The following GREM2 variants were observed in gnomAD, a reference collection of about 807,000 sequenced individuals.
GREM2 encodes the protein gremlin-2.
In GREM2, 11 loss-of-function variants were observed where a neutral mutation model predicts 14.2. The observed-to-expected ratio is 0.78, with a 90% CI of 0.49 to 1.28. GREM2 has a LOEUF of 1.28. Among genes scored for constraint, GREM2 ranks in the 50% most tolerant of loss-of-function variants. The pLI, the probability that GREM2 is intolerant of heterozygous loss-of-function variation, is 0.00. For synonymous variants in GREM2, 98 were observed against 97.6 expected, an observed-to-expected ratio of 1.00 and a Z score of -0.02; for missense variants, 210 against 218.5, an observed-to-expected ratio of 0.96 and a Z score of 0.24.
intron 1 of GREM2, among the ~76,000 whole-genome samples, chr1:240,557,590 TG>T (rs1461768091): frequency 6.6e-6 from 1 of 152,238 alleles, no homozygotes; most frequent in Non-Finnish European, 1.5e-5. Flanking sequence ...TCTATTTTTT[TG>T]TTTATTCATT....
At chr1:240,530,269 C>A (rs998369803) in intron 1 of GREM2, among the ~76,000 whole-genome samples, 3 of 152,128 alleles carry the variant, frequency 2.0e-5, no homozygotes, top group Admixed American at 2.0e-4. Flanking sequence ...TTATAATGTG[C>A]AGATTTCCTG....
chr1:240,499,312 G>T (rs1185426373), intron 1 of GREM2, among the ~76,000 whole-genome samples: 1 of 152,166 alleles, frequency 6.6e-6, no homozygotes, highest in Non-Finnish European at 1.5e-5. Context: ...GTTAGCCCTG[G>T]GCTGTGCAGG....
chr1:240,600,287 G>A (rs1055984034), intron 1 of GREM2, among the ~76,000 whole-genome samples: 2 of 152,088 alleles, frequency 1.3e-5, no homozygotes, highest in African/African-American at 2.4e-5. Context: ...CATCCAACAT[G>A]TATCATGGAG....
chr1:240,544,058 G>A (rs778921510), intron 1 of GREM2, among the ~76,000 whole-genome samples: 1 of 151,826 alleles, frequency 6.6e-6, no homozygotes, highest in Non-Finnish European at 1.5e-5. Context: ...CGAATGAAGT[G>A]ATGTATAGAC....
intron 1 of GREM2, among the ~76,000 whole-genome samples, chr1:240,502,118 C>A (rs749470378): frequency 1.3e-5 from 2 of 152,132 alleles, no homozygotes; most frequent in Non-Finnish European, 2.9e-5. Flanking sequence ...CAGACGTCCA[C>A]TTCCCTCGGA....
chr1:240,600,911 A>T (rs1328106260), intron 1 of GREM2, among the ~76,000 whole-genome samples: 4 of 152,214 alleles, frequency 2.6e-5, no homozygotes, highest in Non-Finnish European at 5.9e-5. Context: ...GAATGAATCA[A>T]TGGTTTTGTT....
rs181039859 is a variant in GREM2, at chr1:240,542,964, T to C, written c.-1-49488A>G. ...AGTTCTGTAAGATCCCACCAAAAAA[T>C]ATCACCTTCTTTGTGAAGCCTCTTA... On this transcript the variant is annotated intron_variant, in intron 1 of 1. Transcript: ENST00000318160. The surrounding 1 kb of genome is among the most constrained non-coding windows in gnomAD (Gnocchi z 4.1). 6.6e-6 allele frequency among the ~76,000 whole-genome samples: 1 copy of C among 152,302 alleles called. No homozygotes were observed. Among genetic ancestry groups the C allele is most frequent in the East Asian group, 1.9e-4 (1 of 5,180 alleles).
At chr1:240,575,491 T>G (rs1357970124) in intron 1 of GREM2, among the ~76,000 whole-genome samples, 1 of 151,950 alleles carries the variant, frequency 6.6e-6, no homozygotes, top group African/African-American at 2.4e-5. Context: ...CAAATACCAC[T>G]GTAGCAAGAT....
Position 240,513,378 on chromosome 1 carries a change from C to A in GREM2, c.-1-19902G>T, listed in dbSNP as rs547502963. Among the ~76,000 whole-genome samples the A allele has an allele frequency of 1.5e-3, 228 of 152,108 alleles. 2 individuals are homozygous for A. Among genetic ancestry groups the A allele is most frequent in the Non-Finnish European group, 2.6e-3 (179 of 67,994 alleles). On this transcript the variant is annotated intron_variant, in intron 1 of 1. Transcript: ENST00000318160. ...GATCGCGAGGTCAAGAGATCGAGATCAACCTGGCCAACAAGGTGAAACCCC... is the reference window on the plus strand; with the variant it reads ...GATCGCGAGGTCAAGAGATCGAGATAAACCTGGCCAACAAGGTGAAACCCC...
intron 1 of GREM2, among the ~76,000 whole-genome samples, chr1:240,570,355 G>A (rs907683471): frequency 6.6e-6 from 1 of 152,054 alleles, no homozygotes; most frequent in African/African-American, 2.4e-5. Flanking sequence ...CCAGCTACTC[G>A]GGGGGCTGAG....
rs575238157 is a variant in GREM2 at position 240,591,528 on chromosome 1, C to T, written c.-2+20356G>A. Reference sequence around the variant, plus strand: ...CCTTCCTCACTCATGTTAGTCGACGCTCACGTTTTGGCGGAATTTCCTCTT... The same window carrying T: ...CCTTCCTCACTCATGTTAGTCGACGTTCACGTTTTGGCGGAATTTCCTCTT... On this transcript the variant is annotated intron_variant, in intron 1 of 1. Coordinates refer to ENST00000318160, the MANE Select transcript of GREM2 (RefSeq NM_022469.4). 7.9e-5 allele frequency among the ~76,000 whole-genome samples: 12 copies of T among 152,302 alleles called. No homozygotes were observed. In the East Asian group the frequency reaches 2.3e-3, roughly 29 times the overall value.
chr1:240,583,221 C>T (rs1679524991), intron 1 of GREM2, among the ~76,000 whole-genome samples: 1 of 152,010 alleles, frequency 6.6e-6, no homozygotes, highest in African/African-American at 2.4e-5. Context: ...GAAAATGTTG[C>T]TTATGTGGCA....
intron 1 of GREM2, among the ~76,000 whole-genome samples, chr1:240,570,421 C>CA (rs1679238215): frequency 6.6e-6 from 1 of 152,112 alleles, no homozygotes; most frequent in South Asian, 2.1e-4. Flanking sequence ...AAGATCGCAC[C>CA]ACTGCACTCC....
At chr1:240,529,548 T>C (rs192176491) in intron 1 of GREM2, among the ~76,000 whole-genome samples, 13 of 152,252 alleles carry the variant, frequency 8.5e-5, no homozygotes, top group Non-Finnish European at 8.8e-5. Flanking sequence ...GTATCTGTTA[T>C]ACAATATGAC....
chr1:240,556,218 T>C (rs1678950681), intron 1 of GREM2, among the ~76,000 whole-genome samples: 2 of 152,196 alleles, frequency 1.3e-5, no homozygotes, highest in Non-Finnish European at 2.9e-5. Context: ...CTAAGGTAAT[T>C]GAGCAAATGT....
intron 1 of GREM2, among the ~76,000 whole-genome samples, chr1:240,581,950 A>G (rs1031092054): frequency 5.9e-5 from 9 of 152,246 alleles, no homozygotes; most frequent in Non-Finnish European, 1.0e-4. Flanking sequence ...CAATTCTGTA[A>G]TACAGTGGTT....
chr1:240,555,145 C>CA (rs1678929930), intron 1 of GREM2, among the ~76,000 whole-genome samples: 1 of 126,442 alleles, frequency 7.9e-6, no homozygotes, highest in Non-Finnish European at 1.6e-5. Context: ...AACTCCATCT[C>CA]AAAAAAAAGA....
At position 240,492,111 on chromosome 1, in the gene GREM2, A is replaced by T; in HGVS notation, c.*858T>A. 3.6e-6 allele frequency: 1 copy of T among 279,790 alleles called. No individual in the cohort carries two copies. The allele number at this position is 279,790 out of a possible 1,614,324, so 17.3% of individuals were successfully genotyped here. A position where few individuals can be genotyped will look rare whatever the true frequency, so the allele number is the denominator to read the frequency against. ...AAAACATGTGAAATAATACATGAAT[A>T]GGTCTATAATACTTTTTAACAGCTC... On this transcript the variant is annotated 3_prime_UTR_variant, in exon 2 of 2. Coordinates refer to ENST00000318160, the MANE Select transcript of GREM2 (RefSeq NM_022469.4).
intron 1 of GREM2, among the ~76,000 whole-genome samples, chr1:240,496,647 C>A (rs1309896771): frequency 1.3e-5 from 2 of 152,148 alleles, no homozygotes; most frequent in Non-Finnish European, 2.9e-5. Flanking sequence ...AGAGAGAAGA[C>A]CTGCCTGTTT....
Sources: gnomAD v4.1 joint callset for allele counts (sites outside exome capture counted in the v4.1 genomes callset) on GRCh38, gnomAD v4.1.1 for gene constraint, Gnocchi (gnomAD v3.1) non-coding constraint, MANE v1.5 for transcripts, NCBI Gene and HGNC (gene_info 2026-07-23, HGNC 2026-07-21) for gene names.